The following RXRA variants were observed in gnomAD, a reference collection of about 807,000 sequenced individuals.
RXRA encodes retinoic acid receptor RXR-alpha.
Under a neutral mutation model 44.5 loss-of-function variants are expected in RXRA, and 5 were observed. That is an observed-to-expected ratio of 0.11 (90% CI 0.06 to 0.24). RXRA has a LOEUF of 0.24. Ranked by LOEUF, RXRA falls within the 10% of genes least tolerant of loss-of-function variation. The pLI, the probability that RXRA is intolerant of heterozygous loss-of-function variation, is 1.00. For synonymous variants in RXRA, 291 were observed against 271.4 expected, an observed-to-expected ratio of 1.07 and a Z score of -0.71; for missense variants, 412 against 646.5, an observed-to-expected ratio of 0.64 and a Z score of 3.93.
intron 1 of RXRA, among the ~76,000 whole-genome samples, chr9:134,370,410 G>A (rs142898027): frequency 1.3e-5 from 2 of 152,338 alleles, no homozygotes; most frequent in African/African-American, 2.4e-5. Flanking sequence ...GTGTGCAGAC[G>A]AGGCTCCTCA....
intron 5 of RXRA, among the ~76,000 whole-genome samples, chr9:134,420,832 G>C (rs1054111546): frequency 1.3e-5 from 2 of 152,184 alleles, no homozygotes; most frequent in Non-Finnish European, 2.9e-5. Context: ...CCCTGTTCAA[G>C]GCTGCCTGGG....
intron 1 of RXRA, among the ~76,000 whole-genome samples, chr9:134,347,721 G>T (rs1191081473): frequency 6.6e-6 from 1 of 152,170 alleles, no homozygotes; most frequent in African/African-American, 2.4e-5. Context: ...TCTCAGGCCA[G>T]GGGAACGGTG....
Position 134,365,491 on chromosome 9 carries a change from G to A in RXRA, c.29-36141G>A, listed in dbSNP as rs1830403148. ...GTTTGCTCATGGGGTGGACCAGGCC[G>A]CTGCCCCTGCCTCCTGTCTCTGGCT... On this transcript the variant is annotated intron_variant, in intron 1 of 9. Transcript: ENST00000481739. The surrounding 1 kb of genome is among the most constrained non-coding windows in gnomAD (Gnocchi z 4.0). 1.3e-5 allele frequency among the ~76,000 whole-genome samples: 2 copies of A among 152,144 alleles called. No individual in the cohort carries two copies. Among genetic ancestry groups the A allele is most frequent in the African/African-American group, 2.4e-5 (1 of 41,416 alleles).
At chr9:134,382,620 C>T (rs368657401) in intron 1 of RXRA, among the ~76,000 whole-genome samples, 5 of 152,146 alleles carry the variant, frequency 3.3e-5, no homozygotes, top group Admixed American at 6.5e-5. Context: ...TGTGGATTCA[C>T]GAGGGAGGGG....
chr9:134,438,813 C>T lies in RXRA; in HGVS notation c.*2199C>T, dbSNP rs896042888. ...CGGGGCCTCCGTTGCGGGGGGTCGG[C>T]TGCTTCTTGGGAACTTTGTCGTTTC... On this transcript the variant is annotated 3_prime_UTR_variant, in exon 10 of 10. Coordinates refer to ENST00000481739, the MANE Select transcript of RXRA (RefSeq NM_002957.6). The T allele has an allele frequency of 1.3e-5, 2 of 151,992 alleles. No homozygotes were observed. The highest frequency in any genetic ancestry group is 2.9e-5 in the Non-Finnish European group (2 of 67,998). The allele number at this position is 151,992 out of a possible 1,614,324, so 9.4% of individuals were successfully genotyped here. A position where few individuals can be genotyped will look rare whatever the true frequency, so the allele number is the denominator to read the frequency against.
intron 5 of RXRA, among the ~76,000 whole-genome samples, chr9:134,420,706 A>G: frequency 6.6e-6 from 1 of 152,168 alleles, no homozygotes; most frequent in East Asian, 1.9e-4. Context: ...CACAGTCGTT[A>G]TTCCTGCAGC....
chr9:134,427,648 G>A (rs1831456712), intron 6 of RXRA, among the ~76,000 whole-genome samples: 1 of 152,202 alleles, frequency 6.6e-6, no homozygotes, highest in Non-Finnish European at 1.5e-5. Flanking sequence ...TGGGGAGAAT[G>A]GGGACGGTGA....
intron 1 of RXRA, chr9:134,380,152 A>C (rs777196660): frequency 3.3e-5 from 33 of 985,316 alleles, no homozygotes; most frequent in Non-Finnish European, 3.9e-5. Flanking sequence ...CACCAGCGGC[A>C]AGTCAGGGCA....
At chr9:134,421,518 A>C (rs558472742) in intron 5 of RXRA, among the ~76,000 whole-genome samples, 158 bp from the exon 6 acceptor site, 6 of 152,314 alleles carry the variant, frequency 3.9e-5, no homozygotes, top group Non-Finnish European at 5.9e-5. Context: ...GCAAGGTCGC[A>C]TAGTCCCAGG....
At chr9:134,338,030 C>T (rs1450366055) in intron 1 of RXRA, among the ~76,000 whole-genome samples, 1 of 152,194 alleles carries the variant, frequency 6.6e-6, no homozygotes, top group Non-Finnish European at 1.5e-5. Flanking sequence ...TCCTTGCCCT[C>T]GTGGGCTGCC....
At chr9:134,337,515 C>T (rs1047067517) in intron 1 of RXRA, among the ~76,000 whole-genome samples, 1 of 152,280 alleles carries the variant, frequency 6.6e-6, no homozygotes, top group East Asian at 1.9e-4. Context: ...AGTTCTCTTA[C>T]CTGTAAGGTA....
At chr9:134,330,582 G>C (rs1229665876) in intron 1 of RXRA, among the ~76,000 whole-genome samples, 1 of 152,202 alleles carries the variant, frequency 6.6e-6, no homozygotes, top group African/African-American at 2.4e-5. Flanking sequence ...CCATTTTATA[G>C]GGTGCAGCTC....
rs1830194920 is a variant in RXRA, at chr9:134,349,480, C to T, written c.28+22821C>T. On this transcript the variant is annotated intron_variant, in intron 1 of 9. Transcript: ENST00000481739. This position sits in a 1 kb window ranked among gnomAD's most constrained non-coding sequence, Gnocchi z 4.3. ...CAGGTGGGCTGGGGTCTTCAGCTGC[C>T]ACACCTGGCAGTGGTGCTGCGGGGG... 6.6e-6 allele frequency among the ~76,000 whole-genome samples: 1 copy of T among 152,174 alleles called. No homozygotes were observed. The highest frequency in any genetic ancestry group is 6.5e-5 in the Admixed American group (1 of 15,282).
chr9:134,330,782 T>C (rs1834992771), intron 1 of RXRA, among the ~76,000 whole-genome samples: 1 of 152,250 alleles, frequency 6.6e-6, no homozygotes. Context: ...GCTGCCTGCC[T>C]GGTCTGCTCT....
At chr9:134,410,335 A>G (rs1026664249) in intron 4 of RXRA, among the ~76,000 whole-genome samples, 2 of 152,162 alleles carry the variant, frequency 1.3e-5, no homozygotes, top group African/African-American at 4.8e-5. Flanking sequence ...GCTCAGGCCC[A>G]CCCTGTGCTG....
intron 1 of RXRA, among the ~76,000 whole-genome samples, chr9:134,363,940 A>C (rs1189990768): frequency 6.6e-6 from 1 of 152,218 alleles, no homozygotes; most frequent in Non-Finnish European, 1.5e-5. Flanking sequence ...AGAAAAAAGA[A>C]GAAGAGAAAG....
intron 4 of RXRA, among the ~76,000 whole-genome samples, chr9:134,414,242 G>A (rs1564291178): frequency 6.6e-6 from 1 of 152,264 alleles, no homozygotes; most frequent in Non-Finnish European, 1.5e-5. Context: ...AGGTGCCAAG[G>A]AGCCCAGCTC....
chr9:134,396,698 T>C (rs1409551359), intron 1 of RXRA, among the ~76,000 whole-genome samples: 2 of 152,150 alleles, frequency 1.3e-5, no homozygotes, highest in Non-Finnish European at 2.9e-5. Context: ...TTCCCCACCG[T>C]GGAGCCCACG....
chr9:134,381,856 G>A (rs145110166), intron 1 of RXRA, among the ~76,000 whole-genome samples: 22 of 152,278 alleles, frequency 1.4e-4, no homozygotes, highest in Admixed American at 6.5e-4. Context: ...GTGGCCACAA[G>A]GTGCCTTTGG....
Sources: gnomAD v4.1 joint callset for allele counts (sites outside exome capture counted in the v4.1 genomes callset) on GRCh38, gnomAD v4.1.1 for gene constraint, Gnocchi (gnomAD v3.1) non-coding constraint, MANE v1.5 for transcripts, NCBI Gene and HGNC (gene_info 2026-07-23, HGNC 2026-07-21) for gene names.